Variants in SEL1L observed in about 807,000 individuals in gnomAD.
The protein encoded by SEL1L is SEL1L adaptor subunit of SYVN1 ubiquitin ligase.
A neutral mutation model predicts 109.8 loss-of-function variants in SEL1L; 52 were observed. That is an observed-to-expected ratio of 0.47 (90% CI 0.38 to 0.60). The LOEUF (loss-of-function observed/expected upper bound fraction) is 0.60, where lower values mean the gene tolerates loss of function less well. Ranked by LOEUF, SEL1L falls within the 20% of genes least tolerant of loss-of-function variation. SEL1L has a pLI of 0.00. For synonymous variants in SEL1L, 373 were observed against 339.6 expected, an observed-to-expected ratio of 1.10 and a Z score of -1.08; for missense variants, 749 against 962.2, an observed-to-expected ratio of 0.78 and a Z score of 2.93.
At chr14:81,496,948 G>C (rs1323431621) in intron 10 of SEL1L, among the ~76,000 whole-genome samples, 1 of 152,036 alleles carries the variant, frequency 6.6e-6, no homozygotes, top group Non-Finnish European at 1.5e-5. Flanking sequence ...TGTTGTGATC[G>C]CTAGATAACC....
intron 10 of SEL1L, among the ~76,000 whole-genome samples, chr14:81,496,302 C>T (rs1028917673): frequency 5.3e-5 from 8 of 151,328 alleles, no homozygotes; most frequent in African/African-American, 1.5e-4. Context: ...CCAGCCTGGG[C>T]GAGAGCGAGA....
chr14:81,525,397 C>T (rs1885073054), intron 3 of SEL1L, among the ~76,000 whole-genome samples: 1 of 144,484 alleles, frequency 6.9e-6, no homozygotes, highest in Admixed American at 7.0e-5. Flanking sequence ...AGAGTGAGAC[C>T]ATGTCTCTAA....
intron 3 of SEL1L, among the ~76,000 whole-genome samples, chr14:81,524,143 T>C (rs867678278): frequency 1.3e-5 from 2 of 152,126 alleles, no homozygotes; most frequent in Non-Finnish European, 2.9e-5. Flanking sequence ...GCAGGAGGAA[T>C]GGTAGAATTA....
rs374894481 is a variant in SEL1L at position 81,526,972 on chromosome 14, T to C, written c.109-8A>G. 3 of 1,596,716 alleles carry C rather than the reference T, an allele frequency of 1.9e-6. No homozygotes were observed. The highest frequency in any genetic ancestry group is 2.6e-6 in the Non-Finnish European group (3 of 1,164,908). On this transcript the variant is annotated splice_region_variant and splice_polypyrimidine_tract_variant and intron_variant, in intron 2 of 20. Transcript: ENST00000336735. ...ATCTGATGTCAAAGTAGTCTGAGAA[T>C]ATAAAGTATTTTTAGTTATCAACAA...
At position 81,523,505 on chromosome 14, in the gene SEL1L, T is replaced by C. The variant is rs570169132; in HGVS notation, c.340+3228A>G. On this transcript the variant is annotated intron_variant, in intron 3 of 20. Coordinates refer to ENST00000336735, the MANE Select transcript of SEL1L (RefSeq NM_005065.6). ...TCGTCTCTATCCTTTGTAATATCCT[T>C]TATAATAAATGTAAATTTATATTTA... is the stretch of plus-strand genomic sequence containing the variant. 1.3e-4 allele frequency among the ~76,000 whole-genome samples: 20 copies of C among 152,208 alleles called. No homozygotes were observed. In the South Asian group the frequency reaches 4.1e-3, roughly 32 times the overall value.
chr14:81,533,622 G>T, intron 1 of SEL1L, 53 bp downstream of exon 1: 1 of 1,571,244 alleles, frequency 6.4e-7, no homozygotes, highest in East Asian at 2.3e-5. Flanking sequence ...GCCGGCTGTA[G>T]AGGCTGGGGG....
At chr14:81,478,423 T>C (rs564012171) in intron 20 of SEL1L, among the ~76,000 whole-genome samples, 2 of 152,062 alleles carry the variant, frequency 1.3e-5, no homozygotes, top group East Asian at 3.9e-4. Context: ...ACTTCTGTAT[T>C]AAAAAAAACA....
At position 81,479,774 on chromosome 14, in the gene SEL1L, T is replaced by G. The variant is rs570437237; in HGVS notation, c.2047-34A>C. On this transcript the variant is annotated intron_variant, in intron 19 of 20. Coordinates refer to ENST00000336735, the MANE Select transcript of SEL1L (RefSeq NM_005065.6). ...CAGGTAAGAAACAAAAATGCATTTC[T>G]TGTCAAAATAAGTAAAAATATTTAG... 6 of 1,548,850 alleles carry G rather than the reference T, an allele frequency of 3.9e-6. No individual in the cohort carries two copies. The Admixed American group carries it at 1.0e-4, about 26-fold the overall frequency.
chr14:81,504,362 C>A (rs748848801), intron 4 of SEL1L, 56 bp from the exon 5 acceptor site: 2 of 1,246,584 alleles, frequency 1.6e-6, no homozygotes, highest in Non-Finnish European at 2.2e-6. Context: ...CAATTATCAA[C>A]CATTAGTATT....
chr14:81,488,193 A>T (rs1016707478), intron 14 of SEL1L, among the ~76,000 whole-genome samples: 19 of 152,348 alleles, frequency 1.2e-4, no homozygotes, highest in African/African-American at 3.4e-4. Context: ...CAGAAAGCAT[A>T]AAAACTAGTA....
At chr14:81,490,841 C>CA (rs1883514490) in intron 12 of SEL1L, among the ~76,000 whole-genome samples, 1 of 152,186 alleles carries the variant, frequency 6.6e-6, no homozygotes, top group Non-Finnish European at 1.5e-5. Flanking sequence ...GCTGCAGCTG[C>CA]AGTGAACTGA....
At chr14:81,513,195 C>T (rs1393563172) in intron 3 of SEL1L, among the ~76,000 whole-genome samples, 7 of 152,246 alleles carry the variant, frequency 4.6e-5, no homozygotes, top group South Asian at 2.1e-4. Flanking sequence ...ATCAGCGCTC[C>T]GTAAAATGGA....
intron 13 of SEL1L, 58 bp from the exon 14 acceptor site, chr14:81,489,372 G>T: frequency 7.4e-7 from 1 of 1,353,148 alleles, no homozygotes; most frequent in Non-Finnish European, 1.1e-6. Context: ...AAATAGGCAA[G>T]AATAAATAAC....
At chr14:81,511,354 T>C (rs923087857) in intron 3 of SEL1L, among the ~76,000 whole-genome samples, 2 of 152,166 alleles carry the variant, frequency 1.3e-5, no homozygotes, top group African/African-American at 4.8e-5. Flanking sequence ...CAGAATAAAG[T>C]GGCAAACTTC....
At chr14:81,514,729 A>C (rs999837631) in intron 3 of SEL1L, among the ~76,000 whole-genome samples, 3 of 152,138 alleles carry the variant, frequency 2.0e-5, no homozygotes, top group Admixed American at 6.5e-5. Flanking sequence ...TGTCTTTCAG[A>C]TGGGAAACAG....
intron 3 of SEL1L, among the ~76,000 whole-genome samples, chr14:81,517,311 T>C (rs1290747388): frequency 6.6e-6 from 1 of 152,200 alleles, no homozygotes; most frequent in Non-Finnish European, 1.5e-5. Flanking sequence ...AGGCCTGTAG[T>C]TTTTGTTCTC....
intron 10 of SEL1L, among the ~76,000 whole-genome samples, chr14:81,496,113 G>A (rs771575768): frequency 5.9e-5 from 9 of 152,062 alleles, no homozygotes; most frequent in Non-Finnish European, 1.3e-4. Flanking sequence ...CACGAGGTCA[G>A]GAGATTGAGA....
rs376277317 is a variant in SEL1L, at chr14:81,495,178, T to C, written c.1129-41A>G. 3.2e-6 allele frequency: 5 copies of C among 1,564,820 alleles called. No individual in the cohort carries two copies. The African/African-American group carries it at 6.8e-5, about 21-fold the overall frequency. ...AACAAGGCAAAAGTAAGTGGTACCA[T>C]CTGGCACACAATTAAAATCAGACCA... On this transcript the variant is annotated intron_variant, in intron 10 of 20. Coordinates refer to ENST00000336735, the MANE Select transcript of SEL1L (RefSeq NM_005065.6).
intron 3 of SEL1L, among the ~76,000 whole-genome samples, chr14:81,518,927 A>T (rs953914043): frequency 6.6e-6 from 1 of 152,088 alleles, no homozygotes; most frequent in African/African-American, 2.4e-5. Context: ...AACAGACATA[A>T]ACTTCTCTCT....
Sources: gnomAD v4.1 joint callset for allele counts (sites outside exome capture counted in the v4.1 genomes callset) on GRCh38, gnomAD v4.1.1 for gene constraint, MANE v1.5 for transcripts, NCBI Gene and HGNC (gene_info 2026-07-23, HGNC 2026-07-21) for gene names.